Variants in TMC2 observed in about 807,000 individuals in gnomAD.
The protein encoded by TMC2 is transmembrane channel like 2.
Under a neutral mutation model 105.9 loss-of-function variants are expected in TMC2, and 102 were observed. The ratio of observed to expected loss-of-function variants is 0.96; its 90% confidence interval spans 0.82 to 1.14. The LOEUF (loss-of-function observed/expected upper bound fraction) is 1.14, where lower values mean the gene tolerates loss of function less well. Ranked by LOEUF, TMC2 falls within the 50% of genes most tolerant of loss-of-function variation. TMC2 has a pLI of 0.00. For missense variants in TMC2, 1,093 were observed against 1,134.3 expected (o/e 0.96, Z 0.52); for synonymous variants, 402 against 422.8 (o/e 0.95, Z 0.60).
chr20:2,576,030 T>C (rs1222657699), intron 5 of TMC2, among the ~76,000 whole-genome samples: 1 of 152,232 alleles, frequency 6.6e-6, no homozygotes, highest in African/African-American at 2.4e-5. Flanking sequence ...GGAAATGTTT[T>C]CCACAAATAT....
rs772588176 is a variant in TMC2 at position 2,561,956 on chromosome 20, T to C, written c.500T>C (p.Ile167Thr). 1.2e-6 allele frequency: 2 copies of C among 1,614,212 alleles called. No homozygotes were observed. The highest frequency in any genetic ancestry group is 2.7e-5 in the African/African-American group (2 of 75,056). The change falls in exon 4 of 20, where the codon ATT (isoleucine) becomes ACT (threonine). Residue 167 changes from isoleucine (I) to threonine (T), a missense_variant. Transcript: ENST00000358864. Reference protein sequence around the residue: ...LEQVEEKKKLIATMRSKPWPM... With the variant: ...LEQVEEKKKLTATMRSKPWPM... Reference sequence around the variant, plus strand: ...CAGGTGGAAGAAAAAAAGAAGCTCATTGCCACCATGCGGAGCAAGCCCTGG... The same window carrying C: ...CAGGTGGAAGAAAAAAAGAAGCTCACTGCCACCATGCGGAGCAAGCCCTGG...
At chr20:2,638,199 G>A (rs759951329) in intron 19 of TMC2, among the ~76,000 whole-genome samples, 84 of 152,068 alleles carry the variant, frequency 5.5e-4, no homozygotes, top group Non-Finnish European at 9.9e-4. Flanking sequence ...AAATTAGCCG[G>A]GCGTGGTGGC....
intron 7 of TMC2, among the ~76,000 whole-genome samples, chr20:2,586,182 T>C (rs139402557): frequency 9.8e-5 from 15 of 152,338 alleles, no homozygotes; most frequent in African/African-American, 3.6e-4. Flanking sequence ...CAGGTGCAGA[T>C]GAAGCTCCAT....
intron 7 of TMC2, among the ~76,000 whole-genome samples, chr20:2,584,790 C>CTT (rs61306929): frequency 0.025 from 3,607 of 146,336 alleles, 148 homozygotes; most frequent in African/African-American, 0.083. Context: ...TCTGAAATGT[C>CTT]TTTTTTTTTT....
At chr20:2,640,901 A>G (rs2086683432) in intron 19 of TMC2, among the ~76,000 whole-genome samples, 1 of 152,072 alleles carries the variant, frequency 6.6e-6, no homozygotes, top group Admixed American at 6.6e-5. Context: ...AGTCTAGCCT[A>G]AGGCCAGGTT....
In TMC2 at chr20:2,613,260, C is replaced by G. The variant is rs1426437840; in HGVS notation, c.1810C>G (p.Leu604Val). ...TYITILLGDF[L>V]RACFVRFMNY... ...CATCACCATCCTGCTGGGGGACTTC[C>G]TACGGGCTTGTTTTGTGCGGTTCAT... is the stretch of plus-strand genomic sequence containing the variant. The change falls in exon 14 of 20, where the codon CTA (leucine) becomes GTA (valine). Residue 604 changes from leucine (L) to valine (V), a missense_variant. Coordinates refer to ENST00000358864, the MANE Select transcript of TMC2 (RefSeq NM_080751.3). The G allele has an allele frequency of 3.7e-6, 6 of 1,613,970 alleles. No individual in the cohort carries two copies.
chr20:2,606,639 T>C (rs189780571), intron 11 of TMC2, among the ~76,000 whole-genome samples: 39 of 152,292 alleles, frequency 2.6e-4, no homozygotes, highest in Middle Eastern at 3.4e-3. Context: ...TAGGTTTTTT[T>C]AATTTGTTCT....
intron 16 of TMC2, among the ~76,000 whole-genome samples, chr20:2,618,707 C>A (rs2422802): frequency 0.79 from 120,598 of 152,162 alleles, 47,971 homozygotes; most frequent in East Asian, 0.87. Context: ...TTCCAAATGC[C>A]TGACCTTCTG....
At chr20:2,632,028 T>C (rs1258862404) in intron 17 of TMC2, among the ~76,000 whole-genome samples, 1 of 151,830 alleles carries the variant, frequency 6.6e-6, no homozygotes, top group Non-Finnish European at 1.5e-5. Context: ...TTGATTCTTT[T>C]TTTTTTTTTT....
chr20:2,558,236 G>A lies in TMC2; in HGVS notation c.83-220G>A, dbSNP rs1028061248. 14 of 1,137,968 alleles carry A rather than the reference G, an allele frequency of 1.2e-5. No homozygotes were observed. The South Asian group carries it at 1.3e-4, about 11-fold the overall frequency. 70.5% of individuals were successfully genotyped at this position (1,137,968 alleles called of 1,614,324 possible). On this transcript the variant is annotated intron_variant, in intron 2 of 19. Coordinates refer to ENST00000358864, the MANE Select transcript of TMC2 (RefSeq NM_080751.3). This position sits in a 1 kb window ranked among gnomAD's most constrained non-coding sequence, Gnocchi z 4.6. ...CTTCAAGGGAGACGGGAGGGAGAAGGCCAGAGAGTGACCTTCCTGCTTCTG... is the reference window on the plus strand; with the variant it reads ...CTTCAAGGGAGACGGGAGGGAGAAGACCAGAGAGTGACCTTCCTGCTTCTG...
intron 5 of TMC2, among the ~76,000 whole-genome samples, chr20:2,573,563 T>A (rs1257489039): frequency 2.7e-5 from 3 of 109,458 alleles, no homozygotes; most frequent in African/African-American, 1.3e-4. Flanking sequence ...TTTCTTTTCT[T>A]TTTTTTTTTT....
In TMC2 at chr20:2,554,228, G is replaced by A. The variant is rs77148060; in HGVS notation, c.83-4228G>A. ...TAATGTCCTTGAGATAAATGGTGAC[G>A]ATCCCTCTTTTATTTCTGATATTAA... On this transcript the variant is annotated intron_variant, in intron 2 of 19. Coordinates refer to ENST00000358864, the MANE Select transcript of TMC2 (RefSeq NM_080751.3). 2.2e-3 allele frequency among the ~76,000 whole-genome samples: 339 copies of A among 152,128 alleles called. 1 individual carries two copies. The highest frequency in any genetic ancestry group is 7.5e-3 in the African/African-American group (310 of 41,508).
Position 2,544,959 on chromosome 20 carries a change from G to A in TMC2, c.82+7643G>A, listed in dbSNP as rs574643866. Among the ~76,000 whole-genome samples, 3 of 151,710 alleles carry A rather than the reference G, an allele frequency of 2.0e-5. No individual in the cohort carries two copies. In the South Asian group the frequency reaches 6.3e-4, roughly 32 times the overall value. ...ACTTGTAGTCCTAGCTATTCAAGAGGCAGAGGCAGGAGGATCACTTGAGGC... is the reference window on the plus strand; with the variant it reads ...ACTTGTAGTCCTAGCTATTCAAGAGACAGAGGCAGGAGGATCACTTGAGGC... On this transcript the variant is annotated intron_variant, in intron 2 of 19. Coordinates refer to ENST00000358864, the MANE Select transcript of TMC2 (RefSeq NM_080751.3).
intron 7 of TMC2, among the ~76,000 whole-genome samples, chr20:2,588,329 G>T (rs2086244768): frequency 6.6e-6 from 1 of 152,208 alleles, no homozygotes; most frequent in African/African-American, 2.4e-5. Flanking sequence ...CAATAAGTGA[G>T]CTTGGAAGAG....
At chr20:2,572,920 TTTTG>T (rs1015805285) in intron 5 of TMC2, among the ~76,000 whole-genome samples, 1 of 151,858 alleles carries the variant, frequency 6.6e-6, no homozygotes, top group African/African-American at 2.4e-5. Flanking sequence ...ACCTTTGGTT[TTTTG>T]TTTGTTTGTT....
chr20:2,543,639 A>G (rs2085905214), intron 2 of TMC2, among the ~76,000 whole-genome samples: 1 of 152,218 alleles, frequency 6.6e-6, no homozygotes, highest in Non-Finnish European at 1.5e-5. Context: ...ATGCTCATGA[A>G]GCAGAGGCGT....
intron 11 of TMC2, among the ~76,000 whole-genome samples, chr20:2,602,631 A>G (rs2086360299): frequency 6.6e-6 from 1 of 152,196 alleles, no homozygotes; most frequent in Non-Finnish European, 1.5e-5. Context: ...CATGGGTATG[A>G]TTCTGGGCTC....
At position 2,637,215 on chromosome 20, in the gene TMC2, C is replaced by CCT. The variant is rs34558997; in HGVS notation, c.2386-259_2386-258insCT. The stretch of plus-strand genomic sequence containing the variant: ...ACCAGCTGGGCTAACATGGTGAACC[C>CCT]GTCTCTACTAAAAATACAAAAATTA... On this transcript the variant is annotated intron_variant, in intron 18 of 19. Transcript: ENST00000358864. 0.75 allele frequency among the ~76,000 whole-genome samples: 112,998 copies of CCT among 151,054 alleles called. 42,426 individuals carry two copies. Among genetic ancestry groups the CCT allele is most frequent in the East Asian group, 0.87 (4,343 of 5,006 alleles).
intron 2 of TMC2, among the ~76,000 whole-genome samples, chr20:2,549,943 G>A (rs1010208048): frequency 6.6e-6 from 1 of 152,054 alleles, no homozygotes; most frequent in African/African-American, 2.4e-5. Flanking sequence ...AACACTTTGG[G>A]AGGACGAGTT....
Sources: gnomAD v4.1 joint callset for allele counts (sites outside exome capture counted in the v4.1 genomes callset) on GRCh38, gnomAD v4.1.1 for gene constraint, Gnocchi (gnomAD v3.1) non-coding constraint, MANE v1.5 for transcripts, NCBI Gene and HGNC (gene_info 2026-07-23, HGNC 2026-07-21) for gene names.